Variants in HDAC8 observed in about 807,000 individuals in gnomAD.
HDAC8 encodes histone deacetylase 8.
In HDAC8, 1 loss-of-function variant was observed where a neutral mutation model predicts 32.2. That is an observed-to-expected ratio of 0.03 (90% CI 0.01 to 0.15). The LOEUF (loss-of-function observed/expected upper bound fraction) is 0.15, where lower values mean the gene tolerates loss of function less well. Ranked by LOEUF, HDAC8 falls within the 10% of genes least tolerant of loss-of-function variation. HDAC8 has a pLI of 1.00. For synonymous variants in HDAC8, 108 were observed against 113.9 expected (o/e 0.95, Z 0.33); for missense variants, 117 against 300.0 (o/e 0.39, Z 4.51).
intron 4 of HDAC8, among the ~76,000 whole-genome samples, chrX:72,525,588 T>C (rs994610985): frequency 9.2e-5 from 10 of 109,127 alleles, no homozygotes; most frequent in African/African-American, 2.3e-4. Context: ...CCAAGGCGGG[T>C]GGATCACGAG....
chrX:72,416,074 T>C (rs1230623004), intron 9 of HDAC8, among the ~76,000 whole-genome samples: 2 of 111,550 alleles, frequency 1.8e-5, no homozygotes, highest in Non-Finnish European at 3.8e-5. Flanking sequence ...TTCCTCCTCT[T>C]CTATTTTCTG....
chrX:72,404,334 A>C (rs1229103065), intron 9 of HDAC8, among the ~76,000 whole-genome samples: 1 of 111,478 alleles, frequency 9.0e-6, no homozygotes, highest in Non-Finnish European at 1.9e-5. Context: ...TTTAGAGTTA[A>C]TATATTTGTC....
At chrX:72,400,877 A>G (rs2045882405) in intron 9 of HDAC8, among the ~76,000 whole-genome samples, 2 of 112,286 alleles carry the variant, frequency 1.8e-5, no homozygotes, top group South Asian at 7.4e-4. Context: ...GACATTTCAC[A>G]TGAATGGAAT....
At chrX:72,571,639 T>C (rs1175810110) in intron 2 of HDAC8, among the ~76,000 whole-genome samples, 1 of 90,683 alleles carries the variant, frequency 1.1e-5, no homozygotes, top group African/African-American at 4.0e-5. Context: ...CAATCTCGGC[T>C]CACTGCAACC....
chrX:72,356,443 C>T (rs782114601), intron 9 of HDAC8, among the ~76,000 whole-genome samples: 2 of 112,211 alleles, frequency 1.8e-5, no homozygotes, highest in African/African-American at 3.2e-5. Context: ...GCTTTATCCC[C>T]GACTAGAAGG....
At chrX:72,415,887 A>C (rs1233614520) in intron 9 of HDAC8, among the ~76,000 whole-genome samples, 8 of 111,715 alleles carry the variant, frequency 7.2e-5, no homozygotes, top group African/African-American at 2.6e-4. Context: ...TGTTATTTGC[A>C]GATAAGGACA....
intron 7 of HDAC8, among the ~76,000 whole-genome samples, chrX:72,479,275 G>T (rs1188455412): frequency 8.9e-6 from 1 of 111,872 alleles, no homozygotes; most frequent in South Asian, 3.8e-4. Flanking sequence ...ATGTGGGAGA[G>T]AGAGGATTAG....
In HDAC8 at chrX:72,329,551, T is replaced by C. The variant is rs782453535; in HGVS notation, c.*503A>G. Reference sequence around the variant, plus strand: ...AAGATTTTATTAAAAAAACCAAAGATATATAACACTAAAACAACACCAGCG... The same window carrying C: ...AAGATTTTATTAAAAAAACCAAAGACATATAACACTAAAACAACACCAGCG... On this transcript the variant is annotated 3_prime_UTR_variant, in exon 11 of 11. Transcript: ENST00000373573. 4 of 710,956 alleles carry C rather than the reference T, an allele frequency of 5.6e-6. No individual in the cohort carries two copies. Among genetic ancestry groups the C allele is most frequent in the Non-Finnish European group, 8.3e-6 (4 of 483,390 alleles). 58.6% of individuals were successfully genotyped at this position (710,956 alleles called of 1,213,427 possible). A position where few individuals can be genotyped will look rare whatever the true frequency, so the allele number is the denominator to read the frequency against.
Position 72,476,359 on chromosome X carries a change from T to G in HDAC8, c.738-11628A>C, listed in dbSNP as rs782228533. 2.7e-5 allele frequency among the ~76,000 whole-genome samples: 3 copies of G among 110,671 alleles called. No homozygotes were observed. In the East Asian group the frequency reaches 8.5e-4, roughly 31 times the overall value. ...AAAGTGGTAGGCTGGTTTGGAGAGC[T>G]AAGCTGAAAAACAAAAAATGGAAGA... On this transcript the variant is annotated intron_variant, in intron 7 of 10. Coordinates refer to ENST00000373573, the MANE Select transcript of HDAC8 (RefSeq NM_018486.3).
chrX:72,340,724 A>G (rs1307899329), intron 10 of HDAC8, among the ~76,000 whole-genome samples: 5 of 111,581 alleles, frequency 4.5e-5, no homozygotes, highest in African/African-American at 1.6e-4. Context: ...TCTATTAACT[A>G]TGCCATCCTG....
At chrX:72,350,695 T>TG (rs2044153984) in intron 10 of HDAC8, among the ~76,000 whole-genome samples, 1 of 112,256 alleles carries the variant, frequency 8.9e-6, no homozygotes, top group Non-Finnish European at 1.9e-5. Context: ...GTAATGCGAA[T>TG]GGTGGATAAA....
intron 10 of HDAC8, among the ~76,000 whole-genome samples, chrX:72,336,111 C>A (rs1420224692): frequency 1.8e-5 from 2 of 111,467 alleles, no homozygotes; most frequent in South Asian, 7.6e-4. Flanking sequence ...AAAATGTCTT[C>A]CCAAGTGACT....
chrX:72,404,815 G>A (rs1208978010), intron 9 of HDAC8, among the ~76,000 whole-genome samples: 1 of 109,921 alleles, frequency 9.1e-6, no homozygotes, highest in African/African-American at 3.3e-5. Context: ...TTGTTGTTCT[G>A]TAGTTTGATT....
intron 10 of HDAC8, among the ~76,000 whole-genome samples, chrX:72,334,045 A>T (rs1414327860): frequency 8.9e-6 from 1 of 112,548 alleles, no homozygotes; most frequent in Non-Finnish European, 1.9e-5. Context: ...AACAACAGAA[A>T]TAATTTTCAC....
At chrX:72,423,104 G>C (rs2046539580) in intron 9 of HDAC8, among the ~76,000 whole-genome samples, 1 of 111,316 alleles carries the variant, frequency 9.0e-6, no homozygotes, top group Non-Finnish European at 1.9e-5. Context: ...TTTTTAAAAA[G>C]GAATCTTTTT....
chrX:72,390,809 T>A (rs2045593625), intron 9 of HDAC8, among the ~76,000 whole-genome samples: 1 of 112,341 alleles, frequency 8.9e-6, no homozygotes, highest in Non-Finnish European at 1.9e-5. Flanking sequence ...ACAAGTGTAC[T>A]TGCATATAAT....
At chrX:72,338,961 CAAT>C (rs200239337) in intron 10 of HDAC8, among the ~76,000 whole-genome samples, 3 of 109,016 alleles carry the variant, frequency 2.8e-5, no homozygotes, top group African/African-American at 1.0e-4. Context: ...TCATAAGCAG[CAAT>C]AATAATAATA....
intron 4 of HDAC8, among the ~76,000 whole-genome samples, chrX:72,517,047 C>T (rs782567534): frequency 8.9e-6 from 1 of 112,402 alleles, no homozygotes; most frequent in South Asian, 3.7e-4. Context: ...TACAGTCCCA[C>T]CAGCAATGTA....
intron 9 of HDAC8, among the ~76,000 whole-genome samples, chrX:72,442,522 G>A (rs1338094538): frequency 8.9e-6 from 1 of 111,753 alleles, no homozygotes; most frequent in Non-Finnish European, 1.9e-5. Flanking sequence ...CCCTAAAAGA[G>A]CTCCTGAAGG....
Sources: allele counts gnomAD v4.1 joint callset (sites outside exome capture counted in the v4.1 genomes callset), GRCh38; gene constraint gnomAD v4.1.1; transcripts MANE v1.5; gene names NCBI Gene and HGNC (gene_info 2026-07-23, HGNC 2026-07-21).